SPATA16: variants seen among roughly 807,000 people sequenced by gnomAD.
SPATA16 encodes spermatogenesis-associated protein 16.
SPATA16 carries 36 observed loss-of-function variants against 63.3 expected under a neutral mutation model. That is an observed-to-expected ratio of 0.57 (90% CI 0.44 to 0.75). The LOEUF is 0.75. Ranked by LOEUF, SPATA16 falls within the 30% of genes least tolerant of loss-of-function variation. The pLI, the probability that SPATA16 is intolerant of heterozygous loss-of-function variation, is 0.00. For missense variants in SPATA16, 646 were observed against 679.3 expected, an observed-to-expected ratio of 0.95 and a Z score of 0.54; for synonymous variants, 203 against 216.7, an observed-to-expected ratio of 0.94 and a Z score of 0.56.
intron 5 of SPATA16, among the ~76,000 whole-genome samples, chr3:172,973,762 G>T (rs1336808854): frequency 6.6e-6 from 1 of 152,098 alleles, no homozygotes; most frequent in Non-Finnish European, 1.5e-5. Context: ...CGATAGGGCA[G>T]CTATTTCAAA....
intron 4 of SPATA16, among the ~76,000 whole-genome samples, chr3:173,002,098 G>T (rs1734841292): frequency 1.3e-5 from 2 of 151,976 alleles, no homozygotes; most frequent in Non-Finnish European, 2.9e-5. Flanking sequence ...AATTCTAGAG[G>T]TTATAATCGG....
At chr3:172,971,847 T>C (rs1455864112) in intron 5 of SPATA16, among the ~76,000 whole-genome samples, 2 of 152,100 alleles carry the variant, frequency 1.3e-5, no homozygotes, top group Admixed American at 6.6e-5. Flanking sequence ...TGCCTCCTGG[T>C]AGGCCTAATA....
In SPATA16 at chr3:173,113,312, G is replaced by T. The variant is rs745316578; in HGVS notation, c.612+3808C>A. Among the ~76,000 whole-genome samples the T allele has an allele frequency of 2.0e-5, 3 of 152,236 alleles. No individual in the cohort carries two copies. The Middle Eastern group carries it at 0.01, about 518-fold the overall frequency. ...TCAGCTTACACCTTTTGCCCTTATT[G>T]GTTTAGCTTCTGGTGTGAATACAAA... On this transcript the variant is annotated intron_variant, in intron 2 of 10. Transcript: ENST00000351008.
chr3:172,899,277 C>T (rs1732074179), intron 10 of SPATA16, among the ~76,000 whole-genome samples: 1 of 151,912 alleles, frequency 6.6e-6, no homozygotes, highest in Admixed American at 6.6e-5. Flanking sequence ...CTTTTAGTCC[C>T]ATCAGTTTTT....
At chr3:173,135,353 G>A (rs1396618052) in intron 1 of SPATA16, among the ~76,000 whole-genome samples, 1 of 152,162 alleles carries the variant, frequency 6.6e-6, no homozygotes, top group East Asian at 1.9e-4. Flanking sequence ...TTTACACAAA[G>A]CAGATATAAA....
At chr3:173,019,330 A>G (rs181352803) in intron 4 of SPATA16, among the ~76,000 whole-genome samples, 156 bp downstream of exon 4, 1 of 152,344 alleles carries the variant, frequency 6.6e-6, no homozygotes, top group African/African-American at 2.4e-5. Context: ...AGAGAAAGAT[A>G]GTCAATAATT....
intron 4 of SPATA16, among the ~76,000 whole-genome samples, chr3:172,995,397 A>G (rs1734673177): frequency 6.6e-6 from 1 of 152,116 alleles, no homozygotes; most frequent in African/African-American, 2.4e-5. Context: ...CTGGATTGCT[A>G]ATCCTGATCT....
rs779445099 is a variant in SPATA16, at chr3:172,925,508, A to G, written c.1082-16T>C. ...GCTTGAAGATCTGAAATATGACAGA[A>G]AGAGAACTAAGAGGCTTTGTTATGG... is the stretch of plus-strand genomic sequence containing the variant. On this transcript the variant is annotated splice_polypyrimidine_tract_variant and intron_variant, in intron 6 of 10. Coordinates refer to ENST00000351008, the MANE Select transcript of SPATA16 (RefSeq NM_031955.6). 2 of 1,613,942 alleles carry G rather than the reference A, an allele frequency of 1.2e-6. No homozygotes were observed. The highest frequency in any genetic ancestry group is 2.2e-5 in the South Asian group (2 of 91,078).
chr3:172,940,985 A>C (rs1733135430), intron 6 of SPATA16, among the ~76,000 whole-genome samples: 1 of 152,206 alleles, frequency 6.6e-6, no homozygotes, highest in Admixed American at 6.5e-5. Flanking sequence ...TCCATCTCAA[A>C]AGATAAAAAT....
At chr3:172,911,691 ATTC>A (rs1333596502) in intron 10 of SPATA16, among the ~76,000 whole-genome samples, 21 of 152,142 alleles carry the variant, frequency 1.4e-4, no homozygotes, top group African/African-American at 4.6e-4. Flanking sequence ...ACCTTTCCCT[ATTC>A]CCTGCTCAAT....
chr3:173,090,227 T>C (rs75892071), intron 2 of SPATA16, among the ~76,000 whole-genome samples: 4,383 of 152,152 alleles, frequency 0.029, 193 homozygotes, highest in African/African-American at 0.1. Flanking sequence ...TGGCTTGTCA[T>C]GAGACTGTTT....
intron 2 of SPATA16, among the ~76,000 whole-genome samples, chr3:173,080,188 T>A (rs1254490055): frequency 1.3e-5 from 2 of 152,202 alleles, no homozygotes; most frequent in African/African-American, 2.4e-5. Context: ...ATTTTGGCAC[T>A]GCCATAAAGT....
intron 2 of SPATA16, among the ~76,000 whole-genome samples, chr3:173,052,320 A>G (rs1736119417): frequency 6.6e-6 from 1 of 152,132 alleles, no homozygotes; most frequent in Admixed American, 6.5e-5. Flanking sequence ...TAACACACTA[A>G]TGAGAATACT....
At chr3:173,105,666 G>A (rs1023100516) in intron 2 of SPATA16, among the ~76,000 whole-genome samples, 5 of 152,128 alleles carry the variant, frequency 3.3e-5, no homozygotes, top group African/African-American at 1.2e-4. Flanking sequence ...GCTAACAAAT[G>A]TGCTGCTCCA....
At chr3:173,005,590 A>C (rs1440758154) in intron 4 of SPATA16, among the ~76,000 whole-genome samples, 1 of 152,188 alleles carries the variant, frequency 6.6e-6, no homozygotes, top group Non-Finnish European at 1.5e-5. Flanking sequence ...TTGCACGATA[A>C]ATTATTTTAG....
At chr3:173,120,539 G>A (rs1462424807) in intron 1 of SPATA16, among the ~76,000 whole-genome samples, 1 of 152,174 alleles carries the variant, frequency 6.6e-6, no homozygotes, top group Non-Finnish European at 1.5e-5. Context: ...AGGCTAAAAT[G>A]TACCAGAATA....
chr3:172,918,503 G>A (rs1732548102), intron 8 of SPATA16, among the ~76,000 whole-genome samples: 1 of 152,194 alleles, frequency 6.6e-6, no homozygotes, highest in South Asian at 2.1e-4. Flanking sequence ...GCCAAATGCA[G>A]TTTTGGTTAT....
intron 7 of SPATA16, among the ~76,000 whole-genome samples, chr3:172,924,659 T>G (rs1045851277): frequency 6.6e-6 from 1 of 152,240 alleles, no homozygotes; most frequent in African/African-American, 2.4e-5. Context: ...TCTTGTCTTG[T>G]TCCTCCTAGG....
intron 3 of SPATA16, among the ~76,000 whole-genome samples, chr3:173,047,037 C>T (rs566032368): frequency 1.9e-4 from 29 of 151,972 alleles, no homozygotes; most frequent in African/African-American, 6.3e-4. Context: ...ACATTAAATT[C>T]GGTAATTTTC....
Sources: gnomAD v4.1 joint callset for allele counts (sites outside exome capture counted in the v4.1 genomes callset) on GRCh38, gnomAD v4.1.1 for gene constraint, MANE v1.5 for transcripts, NCBI Gene and HGNC (gene_info 2026-07-23, HGNC 2026-07-21) for gene names.